SETD5: variants seen among roughly 807,000 people sequenced by gnomAD.
SETD5 encodes SET domain containing 5, also known as histone-lysine N-methyltransferase SETD5.
Under a neutral mutation model 153.3 loss-of-function variants are expected in SETD5, and 44 were observed. The ratio of observed to expected loss-of-function variants is 0.29; its 90% CI spans 0.23 to 0.37. SETD5 has a LOEUF of 0.37. Ranked by LOEUF, SETD5 falls within the 10% of genes least tolerant of loss-of-function variation. The probability of loss-of-function intolerance (pLI) is 1.00; values close to 1 mark genes in which losing one functional copy is unlikely to be tolerated. For synonymous variants in SETD5, 716 were observed against 645.2 expected (o/e 1.11, Z -1.66); for missense variants, 1,544 against 1,768.0 (o/e 0.87, Z 2.27).
chr3:9,437,771 G>A (rs1363457049), intron 7 of SETD5, among the ~76,000 whole-genome samples: 3 of 152,126 alleles, frequency 2.0e-5, no homozygotes, highest in Non-Finnish European at 4.4e-5. Context: ...GGAAGACCAA[G>A]GCAAGTGGAT....
In SETD5 at chr3:9,434,016, T is replaced by C. The variant is rs1252791678; in HGVS notation, c.177+66T>C. On this transcript the variant is annotated intron_variant, in intron 4 of 22. Transcript: ENST00000402198. The surrounding 1 kb of genome is among the most constrained non-coding windows in gnomAD (Gnocchi z 5.6). ...TGGAGTGTAATCCATTCTTATACAT[T>C]GTGACTTTCTTGAAATGTTTATATG... 3 of 1,612,792 alleles carry C rather than the reference T, an allele frequency of 1.9e-6. No homozygotes were observed. The highest frequency in any genetic ancestry group is 2.5e-6 in the Non-Finnish European group (3 of 1,179,622).
intron 16 of SETD5, among the ~76,000 whole-genome samples, chr3:9,453,016 A>G (rs577247111): frequency 7.9e-5 from 12 of 152,260 alleles, no homozygotes; most frequent in African/African-American, 2.6e-4. Flanking sequence ...CAGGTTTACT[A>G]TCTGGCCTAA....
intron 1 of SETD5, among the ~76,000 whole-genome samples, chr3:9,400,624 CAGATT>C (rs1337248226): frequency 3.3e-5 from 5 of 152,088 alleles, no homozygotes; most frequent in Non-Finnish European, 5.9e-5. Context: ...TAAACTTCTC[CAGATT>C]AGATATTTTC....
intron 17 of SETD5, among the ~76,000 whole-genome samples, chr3:9,456,252 G>C (rs949219005): frequency 2.0e-5 from 3 of 152,048 alleles, no homozygotes; most frequent in African/African-American, 7.2e-5. Context: ...AAGGTGGGCG[G>C]ATCATCTGAG....
Position 9,428,969 on chromosome 3 carries a change from A to G in SETD5, c.31A>G (p.Thr11Ala), listed in dbSNP as rs2039637478. 2.5e-6 allele frequency: 4 copies of G among 1,613,310 alleles called. No homozygotes were observed. The Admixed American group carries it at 5.0e-5, about 20-fold the overall frequency. The change falls in exon 3 of 23, where the codon ACA becomes GCA. Residue 11 changes from threonine (T) to alanine (A), a missense_variant. Physicochemically the swap from Thr to Ala is moderately conservative, Grantham distance 58. Coordinates refer to ENST00000402198, the MANE Select transcript of SETD5 (RefSeq NM_001080517.3). MSIAIPLGVT[T>A]SDTSYSDMAA... ...CATTGCAATCCCTCTGGGAGTCACC[A>G]CATCAGATACATCCTACTCAGATAT... is the stretch of plus-strand genomic sequence containing the variant.
At position 9,434,133 on chromosome 3, in the gene SETD5, C is replaced by G; in HGVS notation, c.177+183C>G. The G allele has an allele frequency of 2.6e-6, 4 of 1,548,654 alleles. No individual in the cohort carries two copies. Among genetic ancestry groups the G allele is most frequent in the Non-Finnish European group, 3.5e-6 (4 of 1,148,096 alleles). ...TTCTTGTTTTTATGTCCCAGTTGAC[C>G]TTGGCATTTTGTTTTATCACTTTCC... On this transcript the variant is annotated intron_variant, in intron 4 of 22. Coordinates refer to ENST00000402198, the MANE Select transcript of SETD5 (RefSeq NM_001080517.3). This position sits in a 1 kb window ranked among gnomAD's most constrained non-coding sequence, Gnocchi z 5.6.
chr3:9,468,750 G>C (rs1159889869), intron 18 of SETD5, among the ~76,000 whole-genome samples: 5 of 152,028 alleles, frequency 3.3e-5, no homozygotes, highest in Admixed American at 1.3e-4. Flanking sequence ...GACTACACAG[G>C]ACTGTCAATG....
intron 17 of SETD5, among the ~76,000 whole-genome samples, chr3:9,463,338 C>T (rs187404863): frequency 6.6e-6 from 1 of 152,140 alleles, no homozygotes; most frequent in East Asian, 1.9e-4. Flanking sequence ...CTATTTCTTA[C>T]AAATTTTAAG....
chr3:9,408,928 A>C (rs868532044), intron 1 of SETD5, among the ~76,000 whole-genome samples: 1 of 152,162 alleles, frequency 6.6e-6, no homozygotes, highest in Non-Finnish European at 1.5e-5. Flanking sequence ...TGATTTTTTA[A>C]TAAAAATAAC....
At chr3:9,452,780 A>T (rs1013068778) in intron 16 of SETD5, among the ~76,000 whole-genome samples, 4 of 149,350 alleles carry the variant, frequency 2.7e-5, no homozygotes, top group African/African-American at 7.4e-5. Context: ...CCTGTAATAC[A>T]TGTTCTCTAA....
intron 2 of SETD5, among the ~76,000 whole-genome samples, chr3:9,424,879 A>G (rs2038912810): frequency 6.6e-6 from 1 of 152,174 alleles, no homozygotes; most frequent in Non-Finnish European, 1.5e-5. Flanking sequence ...TGGGATTATT[A>G]ACAGAATTTG....
At chr3:9,466,287 C>CA (rs146498301) in intron 18 of SETD5, among the ~76,000 whole-genome samples, 1,045 of 62,610 alleles carry the variant, frequency 0.017, 13 homozygotes, top group East Asian at 0.067. Context: ...GACTCCGTCT[C>CA]AAAAAAAAAA....
At chr3:9,438,845 C>T (rs754598623) in intron 7 of SETD5, among the ~76,000 whole-genome samples, 7 of 152,212 alleles carry the variant, frequency 4.6e-5, no homozygotes, top group Non-Finnish European at 8.8e-5. Context: ...CGGTAACACT[C>T]ATACACTCAG....
intron 19 of SETD5, 95 bp from the exon 20 acceptor site, chr3:9,473,141 A>G (rs1023513470): frequency 9.2e-6 from 13 of 1,417,930 alleles, no homozygotes; most frequent in Non-Finnish European, 1.2e-5. Context: ...TGGTTTACTA[A>G]GGTACCATCT....
intron 17 of SETD5, among the ~76,000 whole-genome samples, chr3:9,454,258 A>G (rs1390353619): frequency 2.0e-5 from 3 of 152,194 alleles, no homozygotes; most frequent in African/African-American, 7.2e-5. Context: ...CAGGGGATGA[A>G]TGAAATAAGT....
intron 17 of SETD5, among the ~76,000 whole-genome samples, chr3:9,455,384 G>A (rs2043121704): frequency 6.6e-6 from 1 of 151,368 alleles, no homozygotes; most frequent in Non-Finnish European, 1.5e-5. Context: ...GGGATTACAG[G>A]CATGAGCCAC....
intron 3 of SETD5, chr3:9,433,604 T>C: frequency 8.2e-7 from 1 of 1,220,174 alleles, no homozygotes; most frequent in Non-Finnish European, 1.1e-6. Context: ...GTATCTCAGG[T>C]GCCTGCCTTC....
Position 9,433,925 on chromosome 3 carries a change from A to C in SETD5, c.152A>C (p.His51Pro), listed in dbSNP as rs767165651. The C allele has an allele frequency of 1.2e-6, 2 of 1,613,932 alleles. No homozygotes were observed. Among genetic ancestry groups the C allele is most frequent in the Non-Finnish European group, 1.7e-6 (2 of 1,179,838 alleles). The change falls in exon 4 of 23, where the codon CAT (histidine) becomes CCT (proline). Residue 51 changes from histidine to proline, a missense_variant. By Grantham distance (77) the His-to-Pro change is moderately conservative. Transcript: ENST00000402198. ...STHNYGTTQR[H>P]GCRGLPYATI... ...CATAATTATGGGACCACTCAGAGGCATGGGTGTCGAGGACTGCCTTATGCT... is the reference window on the plus strand; with the variant it reads ...CATAATTATGGGACCACTCAGAGGCCTGGGTGTCGAGGACTGCCTTATGCT...
At chr3:9,405,658 A>G (rs1428081010) in intron 1 of SETD5, among the ~76,000 whole-genome samples, 1 of 152,230 alleles carries the variant, frequency 6.6e-6, no homozygotes, top group African/African-American at 2.4e-5. Context: ...TGATTGTTTC[A>G]TCATTCTTAG....
Sources: allele counts gnomAD v4.1 joint callset (sites outside exome capture counted in the v4.1 genomes callset), GRCh38; gene constraint gnomAD v4.1.1; non-coding constraint Gnocchi (gnomAD v3.1); transcripts MANE v1.5; gene names NCBI Gene and HGNC (gene_info 2026-07-23, HGNC 2026-07-21).